The following TBC1D19 variants were observed in gnomAD, a reference collection of about 807,000 sequenced individuals.
TBC1D19 encodes the protein TBC1 domain family member 19.
In TBC1D19, 60 loss-of-function variants were observed where a neutral mutation model predicts 89.0. The observed-to-expected ratio is 0.67, with a 90% CI of 0.55 to 0.84. The LOEUF is 0.84. TBC1D19 is among the 40% of genes least tolerant of loss of function. The probability of loss-of-function intolerance (pLI) is 0.00; values close to 1 mark genes in which losing one functional copy is unlikely to be tolerated. For missense variants in TBC1D19, 500 were observed against 610.8 expected, an observed-to-expected ratio of 0.82 and a Z score of 1.91; for synonymous variants, 189 against 199.7, an observed-to-expected ratio of 0.95 and a Z score of 0.45.
chr4:26,837,676 G>A, the TBC1D19 span, among the ~76,000 whole-genome samples: 1 of 152,260 alleles, frequency 6.6e-6, no homozygotes, highest in East Asian at 1.9e-4. Context: ...ACATGATTTA[G>A]CGATCATCTG....
rs1028721028 is a variant in TBC1D19 at position 26,756,158 on chromosome 4, A to G, written c.*1211A>G. Among the ~76,000 whole-genome samples, 2 of 152,192 alleles carry G rather than the reference A, an allele frequency of 1.3e-5. No homozygotes were observed. Among genetic ancestry groups the G allele is most frequent in the African/African-American group, 4.8e-5 (2 of 41,452 alleles). ...GAAAAATGCTTGTTGATTTACTAAGAGCTGAATAATAATTTATTCCATGAT... is the reference window on the plus strand; with the variant it reads ...GAAAAATGCTTGTTGATTTACTAAGGGCTGAATAATAATTTATTCCATGAT... On this transcript the variant is annotated 3_prime_UTR_variant, in exon 21 of 21. Coordinates refer to ENST00000264866, the MANE Select transcript of TBC1D19 (RefSeq NM_018317.4).
At chr4:26,728,948 G>A (rs1717491699) in intron 15 of TBC1D19, among the ~76,000 whole-genome samples, 1 of 152,218 alleles carries the variant, frequency 6.6e-6, no homozygotes, top group South Asian at 2.1e-4. Flanking sequence ...CCGGGAGGCG[G>A]AGCTTGAAGT....
chr4:26,636,759 TA>T (rs1457504541), intron 4 of TBC1D19, among the ~76,000 whole-genome samples: 2 of 152,096 alleles, frequency 1.3e-5, no homozygotes, highest in African/African-American at 4.8e-5. Flanking sequence ...CTGATGTATT[TA>T]GGGGTAAAAT....
intron 1 of TBC1D19, among the ~76,000 whole-genome samples, chr4:26,590,796 G>GTTTTTTTTTTTT (rs869124166): frequency 0.028 from 1,466 of 52,784 alleles, 175 homozygotes; most frequent in Non-Finnish European, 0.033. Flanking sequence ...TTGCAGGTCT[G>GTTTTTTTTTTTT]TTTTTTTTTT....
chr4:26,772,683 A>ATT, the TBC1D19 span, among the ~76,000 whole-genome samples: 24 of 151,978 alleles, frequency 1.6e-4, no homozygotes, highest in Admixed American at 1.2e-3. Context: ...ATGTGTTTTC[A>ATT]TTGTTCAGCT....
At chr4:26,695,229 A>G (rs1249530081) in intron 13 of TBC1D19, among the ~76,000 whole-genome samples, 2 of 152,224 alleles carry the variant, frequency 1.3e-5, no homozygotes, top group Non-Finnish European at 2.9e-5. Flanking sequence ...TCAGTAGCCA[A>G]TTCGATCAAC....
the TBC1D19 span, among the ~76,000 whole-genome samples, chr4:26,798,487 T>C: frequency 2.0e-5 from 3 of 152,236 alleles, no homozygotes; most frequent in East Asian, 3.9e-4. Flanking sequence ...TGGAAAATGG[T>C]ATGGAGATTT....
chr4:26,760,641 C>T (rs764604936), downstream of TBC1D19, among the ~76,000 whole-genome samples: 17 of 152,038 alleles, frequency 1.1e-4, no homozygotes, highest in Non-Finnish European at 1.5e-4. Context: ...AAATTTTCTC[C>T]CAGCCTATAG....
chr4:26,654,239 A>G (rs1396735900), intron 7 of TBC1D19, among the ~76,000 whole-genome samples: 1 of 152,082 alleles, frequency 6.6e-6, no homozygotes, highest in African/African-American at 2.4e-5. Flanking sequence ...CTGCTGAGAG[A>G]TCTGCTGTTA....
chr4:26,721,012 T>C (rs1716940760), intron 15 of TBC1D19, among the ~76,000 whole-genome samples: 1 of 152,100 alleles, frequency 6.6e-6, no homozygotes, highest in South Asian at 2.1e-4. Context: ...GGCGCTGTTC[T>C]CTCCCTGTGT....
intron 15 of TBC1D19, among the ~76,000 whole-genome samples, chr4:26,726,131 AC>A (rs1717298714): frequency 3.3e-4 from 1 of 3,052 alleles, no homozygotes; most frequent in Non-Finnish European, 6.6e-4. Flanking sequence ...CTCCCAACAC[AC>A]ACACACACAC....
intron 3 of TBC1D19, among the ~76,000 whole-genome samples, chr4:26,615,681 CA>C (rs1195286712): frequency 6.6e-6 from 1 of 152,100 alleles, no homozygotes; most frequent in East Asian, 1.9e-4. Flanking sequence ...TTGCTTTGCT[CA>C]AATCCATCTT....
rs149281936 is a variant in TBC1D19 at position 26,755,800 on chromosome 4, A to T, written c.*853A>T. Among the ~76,000 whole-genome samples the T allele has an allele frequency of 1.3e-5, 2 of 152,214 alleles. No individual in the cohort carries two copies. The highest frequency in any genetic ancestry group is 2.9e-5 in the Non-Finnish European group (2 of 68,024). ...ACAAGATTTACTTCTAGGGCAGAGC[A>T]GCTGAGAGAGATTAAAAGTAGGTAG... On this transcript the variant is annotated 3_prime_UTR_variant, in exon 21 of 21. Transcript: ENST00000264866.
At chr4:26,779,821 A>G in the TBC1D19 span, among the ~76,000 whole-genome samples, 9 of 152,274 alleles carry the variant, frequency 5.9e-5, no homozygotes, top group East Asian at 1.7e-3. Flanking sequence ...CCAGCTTATA[A>G]TTTACATATT....
chr4:26,808,460 C>T, the TBC1D19 span, among the ~76,000 whole-genome samples: 4 of 136,278 alleles, frequency 2.9e-5, no homozygotes, highest in Middle Eastern at 3.7e-3. Flanking sequence ...TGGCTGGGCG[C>T]GGTGGCTCAC....
chr4:26,626,234 T>C (rs1192037793), intron 4 of TBC1D19, among the ~76,000 whole-genome samples: 1 of 152,160 alleles, frequency 6.6e-6, no homozygotes, highest in East Asian at 1.9e-4. Context: ...AGAAACCTGT[T>C]TAATTTTATT....
chr4:26,719,619 A>G (rs9790776), intron 14 of TBC1D19, among the ~76,000 whole-genome samples: 55,183 of 151,980 alleles, frequency 0.36, 11,318 homozygotes, highest in Non-Finnish European at 0.47. Flanking sequence ...TTCTGAAATC[A>G]TGTGAACTGT....
At chr4:26,751,265 T>C (rs979328764) in intron 19 of TBC1D19, among the ~76,000 whole-genome samples, 27 of 152,188 alleles carry the variant, frequency 1.8e-4, no homozygotes, top group Non-Finnish European at 3.7e-4. Flanking sequence ...GCTCTTTTTT[T>C]CCCCTTCTTA....
the TBC1D19 span, among the ~76,000 whole-genome samples, chr4:26,815,415 C>A: frequency 6.6e-6 from 1 of 152,240 alleles, no homozygotes; most frequent in Non-Finnish European, 1.5e-5. Flanking sequence ...CCTCTTACTA[C>A]CACAAAACAC....
Sources: allele counts gnomAD v4.1 joint callset (sites outside exome capture counted in the v4.1 genomes callset), GRCh38; gene constraint gnomAD v4.1.1; transcripts MANE v1.5; gene names NCBI Gene and HGNC (gene_info 2026-07-23, HGNC 2026-07-21).